The following CHRM3 variants were observed in gnomAD, a reference collection of about 807,000 sequenced individuals.
CHRM3 encodes the protein muscarinic acetylcholine receptor M3.
CHRM3 carries 11 observed loss-of-function variants against 41.8 expected under a neutral mutation model. The observed-to-expected ratio is 0.26, with a 90% CI of 0.17 to 0.44. The LOEUF is 0.44. CHRM3 is among the 20% of genes least tolerant of loss of function. CHRM3 has a pLI of 1.00. For missense variants in CHRM3, 571 were observed against 745.4 expected (o/e 0.77, Z 2.72); for synonymous variants, 297 against 301.4 (o/e 0.99, Z 0.15).
chr1:239,801,475 A>G (rs1448895450), intron 5 of CHRM3, among the ~76,000 whole-genome samples: 4 of 152,196 alleles, frequency 2.6e-5, no homozygotes, highest in Admixed American at 1.3e-4. Flanking sequence ...TAAAAATTAC[A>G]GAAGTGTGCC....
chr1:239,618,557 C>T lies in CHRM3; in HGVS notation c.-312-13667C>T, dbSNP rs189601217. 6.6e-3 allele frequency among the ~76,000 whole-genome samples: 1,008 copies of T among 151,854 alleles called. 8 individuals are homozygous for T. The highest frequency in any genetic ancestry group is 9.4e-3 in the Non-Finnish European group (636 of 67,938). On this transcript the variant is annotated intron_variant, in intron 3 of 6. Transcript: ENST00000676153. ...ACATTCCTATCACTTAAAAGATAGT[C>T]AAGATGGCCGGGCGCGGTGGCTCAC...
intron 4 of CHRM3, among the ~76,000 whole-genome samples, chr1:239,675,996 G>C (rs1219551535): frequency 2.6e-5 from 4 of 152,162 alleles, no homozygotes; most frequent in African/African-American, 9.7e-5. Flanking sequence ...TTAAGTGTCA[G>C]AGAGAAGGTT....
intron 5 of CHRM3, among the ~76,000 whole-genome samples, chr1:239,777,614 C>T (rs977852932): frequency 5.9e-5 from 9 of 152,096 alleles, no homozygotes; most frequent in African/African-American, 1.7e-4. Context: ...GTGGGGGGTG[C>T]AGATAATGCA....
chr1:239,779,013 T>G (rs1668312722), intron 5 of CHRM3, among the ~76,000 whole-genome samples: 1 of 152,206 alleles, frequency 6.6e-6, no homozygotes, highest in Admixed American at 6.5e-5. Context: ...GAAGGATAAG[T>G]GGACAGTTTT....
At chr1:239,829,142 T>C (rs1672701144) in intron 6 of CHRM3, among the ~76,000 whole-genome samples, 2 of 152,222 alleles carry the variant, frequency 1.3e-5, no homozygotes, top group African/African-American at 4.8e-5. Flanking sequence ...AGTTAATGAA[T>C]CTCTGTGGCG....
chr1:239,661,943 T>C (rs1380977108), intron 4 of CHRM3, among the ~76,000 whole-genome samples: 1 of 152,144 alleles, frequency 6.6e-6, no homozygotes, highest in Non-Finnish European at 1.5e-5. Context: ...GAACTCTCTG[T>C]AGTTTCTGTT....
intron 6 of CHRM3, among the ~76,000 whole-genome samples, chr1:239,900,459 G>T (rs1052807871): frequency 6.8e-6 from 1 of 147,664 alleles, no homozygotes; most frequent in Non-Finnish European, 1.5e-5. Flanking sequence ...TAGGACCTCC[G>T]TTGCTGAGCC....
intron 6 of CHRM3, among the ~76,000 whole-genome samples, chr1:239,890,580 C>G (rs149140348): frequency 2.9e-4 from 44 of 152,216 alleles, no homozygotes; most frequent in African/African-American, 1.0e-3. Flanking sequence ...GAGGGACCCA[C>G]AGTAAGTGCT....
At chr1:239,433,607 C>A (rs1663000062) in intron 1 of CHRM3, among the ~76,000 whole-genome samples, 1 of 151,700 alleles carries the variant, frequency 6.6e-6, no homozygotes, top group South Asian at 2.1e-4. Context: ...TTAGCCCTCA[C>A]CCCCTCCCAC....
At chr1:239,716,587 A>G (rs959752650) in intron 5 of CHRM3, among the ~76,000 whole-genome samples, 2 of 152,122 alleles carry the variant, frequency 1.3e-5, no homozygotes, top group African/African-American at 4.8e-5. Flanking sequence ...GTTTACAGCT[A>G]AACAGTGTGA....
At chr1:239,406,275 G>T (rs1417396975) in intron 1 of CHRM3, among the ~76,000 whole-genome samples, 1 of 152,194 alleles carries the variant, frequency 6.6e-6, no homozygotes, top group Non-Finnish European at 1.5e-5. Context: ...ATGTGAAAAA[G>T]TTCAAATAGG....
chr1:239,581,773 G>C (rs991257210), intron 3 of CHRM3, among the ~76,000 whole-genome samples: 1 of 152,154 alleles, frequency 6.6e-6, no homozygotes, highest in South Asian at 2.1e-4. Flanking sequence ...GTATCACTTA[G>C]CAAATAAGTG....
intron 1 of CHRM3, among the ~76,000 whole-genome samples, chr1:239,449,743 TGTGTGTGTGTGC>T (rs1188331727): frequency 2.0e-5 from 3 of 150,380 alleles, no homozygotes; most frequent in Non-Finnish European, 4.4e-5. Context: ...GGTGTGTGTG[TGTGTGTGTGTGC>T]GTGTGTGTGT....
At chr1:239,402,029 A>G (rs1660021805) in intron 1 of CHRM3, among the ~76,000 whole-genome samples, 1 of 152,140 alleles carries the variant, frequency 6.6e-6, no homozygotes, top group East Asian at 1.9e-4. Context: ...TATGGCATCA[A>G]GTATTAGTAG....
chr1:239,778,527 T>C (rs1668277023), intron 5 of CHRM3, among the ~76,000 whole-genome samples: 1 of 152,184 alleles, frequency 6.6e-6, no homozygotes, highest in Admixed American at 6.5e-5. Flanking sequence ...AACATTTATC[T>C]TGGCAGACAA....
chr1:239,436,290 A>G (rs1398291243), intron 1 of CHRM3, among the ~76,000 whole-genome samples: 2 of 152,158 alleles, frequency 1.3e-5, no homozygotes, highest in Admixed American at 6.5e-5. Flanking sequence ...GAGCTCCCGC[A>G]TCTGAGGGAT....
intron 5 of CHRM3, among the ~76,000 whole-genome samples, chr1:239,809,972 T>TTA (rs1670989522): frequency 6.6e-6 from 1 of 152,168 alleles, no homozygotes; most frequent in Admixed American, 6.5e-5. Context: ...GGAGGAGGTG[T>TTA]TATAGCTATT....
At chr1:239,775,238 A>C (rs898986215) in intron 5 of CHRM3, among the ~76,000 whole-genome samples, 1 of 152,156 alleles carries the variant, frequency 6.6e-6, no homozygotes, top group East Asian at 1.9e-4. Context: ...TATCTTTGAC[A>C]TTCATGTTAA....
chr1:239,762,840 G>A (rs369801534), intron 5 of CHRM3, among the ~76,000 whole-genome samples: 30 of 152,170 alleles, frequency 2.0e-4, no homozygotes, highest in Admixed American at 3.9e-4. Context: ...AAAAATGGCT[G>A]GATTCAAATA....
Sources: allele counts gnomAD v4.1 joint callset (sites outside exome capture counted in the v4.1 genomes callset), GRCh38; gene constraint gnomAD v4.1.1; transcripts MANE v1.5; gene names NCBI Gene and HGNC (gene_info 2026-07-23, HGNC 2026-07-21).